The following VAX2 variants were observed in gnomAD, a reference collection of about 807,000 sequenced individuals.
VAX2 encodes the protein ventral anterior homeobox 2.
VAX2 carries 8 observed loss-of-function variants against 12.5 expected under a neutral mutation model. The observed-to-expected ratio is 0.64, with a 90% CI of 0.37 to 1.15. The LOEUF is 1.15. VAX2 is among the 50% of genes most tolerant of loss of function. VAX2 has a pLI of 0.01. For synonymous variants in VAX2, 183 were observed against 187.6 expected, an observed-to-expected ratio of 0.98 and a Z score of 0.20; for missense variants, 476 against 412.9, an observed-to-expected ratio of 1.15 and a Z score of -1.32.
At chr2:70,918,645 C>T (rs1679363058) in intron 1 of VAX2, among the ~76,000 whole-genome samples, 1 of 152,088 alleles carries the variant, frequency 6.6e-6, no homozygotes, top group Non-Finnish European at 1.5e-5. Flanking sequence ...GCCTGTAATC[C>T]CAGCACTTTG....
At chr2:70,923,005 T>A (rs1679492637) in intron 2 of VAX2, among the ~76,000 whole-genome samples, 1 of 137,550 alleles carries the variant, frequency 7.3e-6, no homozygotes, top group Admixed American at 7.3e-5. Flanking sequence ...TGGCGTGACC[T>A]GGAGAGACAG....
In VAX2 at chr2:70,904,932, G is replaced by C. The variant is rs1356945809; in HGVS notation, c.247+4064G>C. On this transcript the variant is annotated intron_variant, in intron 1 of 2. Transcript: ENST00000234392. This position sits in a 1 kb window ranked among gnomAD's most constrained non-coding sequence, Gnocchi z 4.2. ...ACAGCACAATGGCGTGCAGCCGCCG[G>C]GGCCCTAACTCCCAGAGACGCGTCT... Among the ~76,000 whole-genome samples the C allele has an allele frequency of 4.6e-5, 7 of 152,326 alleles. No individual in the cohort carries two copies. In the East Asian group the frequency reaches 1.4e-3, roughly 29 times the overall value.
chr2:70,910,188 A>T (rs1679152162), intron 1 of VAX2, among the ~76,000 whole-genome samples: 1 of 152,206 alleles, frequency 6.6e-6, no homozygotes, highest in Non-Finnish European at 1.5e-5. Context: ...TAATTACAGC[A>T]GAATAGAAGA....
chr2:70,903,524 C>T (rs1283249016), intron 1 of VAX2, among the ~76,000 whole-genome samples: 2 of 152,170 alleles, frequency 1.3e-5, no homozygotes, highest in Non-Finnish European at 2.9e-5. Context: ...GATTACTGAC[C>T]TTATAGCCCT....
At chr2:70,906,384 G>A (rs1413206802) in intron 1 of VAX2, among the ~76,000 whole-genome samples, 4 of 152,220 alleles carry the variant, frequency 2.6e-5, no homozygotes, top group South Asian at 4.1e-4. Flanking sequence ...GAAAGTCAGG[G>A]TGAGTGCCAG....
intron 1 of VAX2, among the ~76,000 whole-genome samples, chr2:70,909,014 CA>C: frequency 6.6e-6 from 1 of 152,286 alleles, no homozygotes; most frequent in Non-Finnish European, 1.5e-5. Flanking sequence ...GTTTAATTTG[CA>C]AATATACCTT....
chr2:70,900,947 A>G, intron 1 of VAX2, 79 bp downstream of exon 1: 2 of 1,219,168 alleles, frequency 1.6e-6, no homozygotes, highest in Non-Finnish European at 2.1e-6. Flanking sequence ...GCTGCAGCTG[A>G]CACCTCTCAA....
intron 1 of VAX2, among the ~76,000 whole-genome samples, chr2:70,907,896 T>G (rs1177457290): frequency 6.6e-6 from 1 of 152,218 alleles, no homozygotes; most frequent in Non-Finnish European, 1.5e-5. Flanking sequence ...TCAAAAAAAT[T>G]TAATCTGCAG....
At chr2:70,922,548 C>T (rs1281823080) in intron 2 of VAX2, among the ~76,000 whole-genome samples, 1 of 151,790 alleles carries the variant, frequency 6.6e-6, no homozygotes, top group East Asian at 1.9e-4. Context: ...TGGAAGTCCT[C>T]CTGGTCCCCT....
chr2:70,926,653 C>T (rs1553413577), intron 2 of VAX2, among the ~76,000 whole-genome samples: 2 of 152,184 alleles, frequency 1.3e-5, no homozygotes, highest in African/African-American at 4.8e-5. Flanking sequence ...GAAGACCCCA[C>T]AACCTATATA....
intron 1 of VAX2, among the ~76,000 whole-genome samples, chr2:70,908,525 A>T (rs72913606): frequency 0.021 from 3,169 of 152,312 alleles, 119 homozygotes; most frequent in African/African-American, 0.072. Context: ...TAAGTGGACT[A>T]GGTGGATCAT....
At chr2:70,926,903 T>G (rs1264054276) in intron 2 of VAX2, among the ~76,000 whole-genome samples, 1 of 152,140 alleles carries the variant, frequency 6.6e-6, no homozygotes, top group East Asian at 1.9e-4. Flanking sequence ...GTTAAGTAAC[T>G]TGACTTAAGT....
rs1553409582 is a variant in VAX2 at position 70,900,685 on chromosome 2, G to C, written c.64G>C (p.Gly22Arg). ...GCGCCGGGCGGAGTCTGGTGGCGGCGGTGGGCGCTGCGGAGACCGCAGCGG... is the reference window on the plus strand; with the variant it reads ...GCGCCGGGCGGAGTCTGGTGGCGGCCGTGGGCGCTGCGGAGACCGCAGCGG... The part of the protein sequence containing the change: ...PARRAESGGG[G>R]GRCGDRSGAG... The change falls in exon 1 of 3, where the codon GGT (glycine) becomes CGT (arginine). Residue 22 changes from glycine to arginine, a missense_variant. Transcript: ENST00000234392. 2.9e-5 allele frequency: 38 copies of C among 1,299,046 alleles called. No homozygotes were observed. The East Asian group carries it at 1.2e-3, about 41-fold the overall frequency. The allele number at this position is 1,299,046 out of a possible 1,614,324, so 80.5% of individuals were successfully genotyped here. A position where few individuals can be genotyped will look rare whatever the true frequency, so the allele number is the denominator to read the frequency against.
chr2:70,922,222 T>C (rs191618623), intron 2 of VAX2, among the ~76,000 whole-genome samples: 3 of 152,274 alleles, frequency 2.0e-5, no homozygotes, highest in Non-Finnish European at 4.4e-5. Flanking sequence ...CTCTCATATA[T>C]GAGGGAGATC....
rs200587085 is a variant in VAX2, at chr2:70,933,160, C to A, written c.829C>A (p.Arg277=). The A allele has an allele frequency of 1.2e-5, 19 of 1,549,344 alleles. No homozygotes were observed. In the South Asian group the frequency reaches 2.1e-4, roughly 17 times the overall value. ...CTTCGAGCCATACAGCTGGCTAGAA[C>A]GGAAAGTGGGCAGCGCCAGCAGCTG... ...SAFEPYSWLE[R]KVGSASSCKK... The change falls in exon 3 of 3, where the codon CGG becomes AGG. Residue 277 remains arginine, a synonymous_variant. Transcript: ENST00000234392.
At chr2:70,930,712 C>A (rs185022320) in intron 2 of VAX2, among the ~76,000 whole-genome samples, 1 of 152,238 alleles carries the variant, frequency 6.6e-6, no homozygotes, top group Non-Finnish European at 1.5e-5. Flanking sequence ...GTCTTCTTAA[C>A]CTGGGCAGCC....
chr2:70,917,678 T>G (rs1425685570), intron 1 of VAX2, among the ~76,000 whole-genome samples: 2 of 152,192 alleles, frequency 1.3e-5, no homozygotes, highest in African/African-American at 4.8e-5. Flanking sequence ...TGAGGTTGCC[T>G]TTCTCGTCTG....
At position 70,933,087 on chromosome 2, in the gene VAX2, G is replaced by C. The variant is rs140378557; in HGVS notation, c.756G>C (p.Ser252=). Residue 252 remains serine, a synonymous_variant, in exon 3 of 3, where the codon TCG becomes TCC. Coordinates refer to ENST00000234392, the MANE Select transcript of VAX2 (RefSeq NM_012476.3). ...PPPLPAVCFS[S]APLLDLPAGY... is the part of the protein sequence containing the mutation. ...CTCTGCCAGCTGTCTGCTTTTCCTCGGCCCCGCTCCTGGATCTGCCTGCCG... is the reference window on the plus strand; with the variant it reads ...CTCTGCCAGCTGTCTGCTTTTCCTCCGCCCCGCTCCTGGATCTGCCTGCCG... The C allele has an allele frequency of 2.5e-6, 4 of 1,609,816 alleles. No homozygotes were observed. Among genetic ancestry groups the C allele is most frequent in the East Asian group, 4.5e-5 (2 of 44,716 alleles).
chr2:70,907,007 G>T (rs1366119981), intron 1 of VAX2, among the ~76,000 whole-genome samples: 1 of 152,172 alleles, frequency 6.6e-6, no homozygotes, highest in Non-Finnish European at 1.5e-5. Flanking sequence ...AACTTAAATG[G>T]GACAAAATTC....
Sources: gnomAD v4.1 joint callset for allele counts (sites outside exome capture counted in the v4.1 genomes callset) on GRCh38, gnomAD v4.1.1 for gene constraint, Gnocchi (gnomAD v3.1) non-coding constraint, MANE v1.5 for transcripts, NCBI Gene and HGNC (gene_info 2026-07-23, HGNC 2026-07-21) for gene names.